Variants in PDILT observed in about 807,000 individuals in gnomAD.
PDILT encodes protein disulfide-isomerase-like protein of the testis.
Under a neutral mutation model 53.7 loss-of-function variants are expected in PDILT, and 43 were observed. The observed-to-expected ratio is 0.80, with a 90% CI of 0.63 to 1.03. The LOEUF is 1.03. Among genes scored for constraint, PDILT ranks in the 50% least tolerant of loss-of-function variants. The probability of loss-of-function intolerance (pLI) is 0.00; values close to 1 mark genes in which losing one functional copy is unlikely to be tolerated. For synonymous variants in PDILT, 282 were observed against 274.2 expected (o/e 1.03, Z -0.28); for missense variants, 727 against 712.3 (o/e 1.02, Z -0.24).
intron 1 of PDILT, among the ~76,000 whole-genome samples, chr16:20,400,696 T>C (rs749093660): frequency 6.6e-6 from 1 of 152,192 alleles, no homozygotes; most frequent in Non-Finnish European, 1.5e-5. Context: ...ACTTCACTTA[T>C]TGTCATGACC....
At chr16:20,377,068 T>C (rs1299036816) in intron 3 of PDILT, among the ~76,000 whole-genome samples, 1 of 152,156 alleles carries the variant, frequency 6.6e-6, no homozygotes, top group East Asian at 1.9e-4. Flanking sequence ...GAGAATCACT[T>C]GGGGCCAGGA....
chr16:20,369,699 A>G lies in PDILT; in HGVS notation c.919-10T>C, dbSNP rs368537628. 1 of 1,613,776 alleles carries G rather than the reference A, an allele frequency of 6.2e-7. No individual in the cohort carries two copies. The highest frequency in any genetic ancestry group is 8.5e-7 in the Non-Finnish European group (1 of 1,179,944). On this transcript the variant is annotated splice_polypyrimidine_tract_variant and intron_variant, in intron 7 of 11. Transcript: ENST00000302451. ...CAAGGATGAAAAGGATCTGCCAAAG[A>G]AAACAAAACCCTTGTCTCTCTGGAT...
At chr16:20,362,720 A>T (rs576892431) in intron 9 of PDILT, 138 bp from the exon 10 acceptor site, 1 of 660,838 alleles carries the variant, frequency 1.5e-6, no homozygotes. Context: ...TTTTAATCAT[A>T]TATTAGATTA....
At chr16:20,392,817 G>T (rs1251445058) in intron 2 of PDILT, among the ~76,000 whole-genome samples, 2 of 152,156 alleles carry the variant, frequency 1.3e-5, no homozygotes, top group South Asian at 2.1e-4. Context: ...TCCCTCTGTA[G>T]CCTCAGATTT....
chr16:20,362,650 C>CAGCG, intron 9 of PDILT, 68 bp from the exon 10 acceptor site: 3 of 1,497,606 alleles, frequency 2.0e-6, no homozygotes, highest in Non-Finnish European at 2.8e-6. Flanking sequence ...CCACCCTACA[C>CAGCG]ATGGCATCGC....
intron 2 of PDILT, among the ~76,000 whole-genome samples, chr16:20,389,389 A>T (rs559282321): frequency 6.6e-6 from 1 of 152,340 alleles, no homozygotes; most frequent in South Asian, 2.1e-4. Context: ...CAAGGTGTGC[A>T]AAACTTTGGT....
intron 7 of PDILT, among the ~76,000 whole-genome samples, chr16:20,370,522 G>C (rs923840277): frequency 6.6e-6 from 1 of 152,152 alleles, no homozygotes; most frequent in Non-Finnish European, 1.5e-5. Flanking sequence ...CAGTGCAAAG[G>C]CCTGAAGACA....
At chr16:20,368,694 C>G (rs1253364489) in intron 8 of PDILT, among the ~76,000 whole-genome samples, 1 of 152,044 alleles carries the variant, frequency 6.6e-6, no homozygotes, top group Non-Finnish European at 1.5e-5. Flanking sequence ...TCTCTAGGCT[C>G]AAGCAATGCT....
Position 20,404,491 on chromosome 16 carries a change from C to T in PDILT, c.-8+5G>A, listed in dbSNP as rs1296773712. On this transcript the variant is annotated splice_donor_5th_base_variant and intron_variant, in intron 1 of 11. Coordinates refer to ENST00000302451, the MANE Select transcript of PDILT (RefSeq NM_174924.2). The stretch of plus-strand genomic sequence containing the variant: ...CAGATTTCCCATTTTCACTGAAGCT[C>T]ATACCTGCAGGAAGCCAAGGCCACT... 1 of 152,272 alleles carries T rather than the reference C, an allele frequency of 6.6e-6. No individual in the cohort carries two copies. The highest frequency in any genetic ancestry group is 1.5e-5 in the Non-Finnish European group (1 of 68,116). The allele number at this position is 152,272 out of a possible 1,614,324, so 9.4% of individuals were successfully genotyped here. A position where few individuals can be genotyped will look rare whatever the true frequency, so the allele number is the denominator to read the frequency against.
chr16:20,390,564 A>G (rs1966596191), intron 2 of PDILT: 1 of 152,190 alleles, frequency 6.6e-6, no homozygotes, highest in Admixed American at 6.5e-5. Flanking sequence ...ACCGTAGGAA[A>G]TACTATATAT....
chr16:20,359,364 TCC>T lies in PDILT; in HGVS notation c.1708_1709del (p.Gly570ThrfsTer?). 1 of 1,614,120 alleles carries T rather than the reference TCC, an allele frequency of 6.2e-7. No individual in the cohort carries two copies. Among genetic ancestry groups the T allele is most frequent in the Admixed American group, 1.7e-5 (1 of 60,008 alleles). On this transcript the variant is annotated frameshift_variant, in exon 12 of 12. Coordinates refer to ENST00000302451, the MANE Select transcript of PDILT (RefSeq NM_174924.2). LOFTEE classifies it high-confidence loss of function. The part of the protein sequence containing the change: ...EVVVVVAKPK[G>X]PPVQKKKPKV... ...TTGGTTTCTTCTTTTGCACTGGAGGTCCCTTTGGCTTAGCCACCACCACCACC... is the reference window on the plus strand; with the variant it reads ...TTGGTTTCTTCTTTTGCACTGGAGGTCTTTGGCTTAGCCACCACCACCACC...
chr16:20,403,990 C>G (rs1010301456), intron 1 of PDILT, among the ~76,000 whole-genome samples: 6 of 152,212 alleles, frequency 3.9e-5, no homozygotes, highest in Admixed American at 3.3e-4. Context: ...TTTCAGCACT[C>G]TCTGCCATAT....
intron 1 of PDILT, among the ~76,000 whole-genome samples, chr16:20,400,649 A>G (rs1966728490): frequency 6.6e-6 from 1 of 152,100 alleles, no homozygotes; most frequent in Admixed American, 6.5e-5. Flanking sequence ...AAAAATAGAG[A>G]GATGGTACAA....
intron 3 of PDILT, among the ~76,000 whole-genome samples, chr16:20,378,142 ATTTGT>A (rs1197137224): frequency 6.6e-6 from 1 of 152,118 alleles, no homozygotes; most frequent in Admixed American, 6.5e-5. Flanking sequence ...CCTTCGTTAT[ATTTGT>A]TTTATTTCAT....
At chr16:20,392,800 G>C (rs997865138) in intron 2 of PDILT, among the ~76,000 whole-genome samples, 1 of 152,188 alleles carries the variant, frequency 6.6e-6, no homozygotes, top group African/African-American at 2.4e-5. Flanking sequence ...ATGTGAAATT[G>C]ATTGGTTCCC....
chr16:20,375,516 A>C (rs1966371994), intron 4 of PDILT, among the ~76,000 whole-genome samples: 1 of 152,214 alleles, frequency 6.6e-6, no homozygotes, highest in African/African-American at 2.4e-5. Flanking sequence ...CATTCTCCTA[A>C]AGCAAAAACA....
At chr16:20,391,688 A>T (rs1966608258) in intron 2 of PDILT, among the ~76,000 whole-genome samples, 3 of 152,158 alleles carry the variant, frequency 2.0e-5, no homozygotes, top group Non-Finnish European at 2.9e-5. Context: ...TCAGGAGATG[A>T]ATAAGATTTG....
At chr16:20,399,342 A>C (rs771197086) in intron 1 of PDILT, 35 bp from the exon 2 acceptor site, 93 of 1,605,080 alleles carry the variant, frequency 5.8e-5, no homozygotes, top group Non-Finnish European at 7.5e-5. Context: ...AGACCTTATC[A>C]ACACAGGTGG....
Position 20,376,250 on chromosome 16 carries a change from C to T in PDILT, c.410-49G>A, listed in dbSNP as rs575226155. ...GATACCAGAGAAGTTTCCTCTTGAA[C>T]CAAAGCAAGAAGCTGGTCTTTCTCA... On this transcript the variant is annotated intron_variant, in intron 3 of 11. Coordinates refer to ENST00000302451, the MANE Select transcript of PDILT (RefSeq NM_174924.2). 133 of 1,603,646 alleles carry T rather than the reference C, an allele frequency of 8.3e-5. 2 individuals carry two copies. The South Asian group carries it at 1.3e-3, about 16-fold the overall frequency.
Sources: gnomAD v4.1 joint callset for allele counts (sites outside exome capture counted in the v4.1 genomes callset) on GRCh38, gnomAD v4.1.1 for gene constraint, MANE v1.5 for transcripts, NCBI Gene and HGNC (gene_info 2026-07-23, HGNC 2026-07-21) for gene names.